Variants in OTC observed in about 807,000 individuals in gnomAD.
OTC encodes the protein ornithine transcarbamylase.
OTC carries 3 observed loss-of-function variants against 30.3 expected under a neutral mutation model. The ratio of observed to expected loss-of-function variants is 0.10; its 90% confidence interval spans 0.05 to 0.26. The LOEUF (loss-of-function observed/expected upper bound fraction) is 0.26. Ranked by LOEUF, OTC falls within the 10% of genes least tolerant of loss-of-function variation. The probability of loss-of-function intolerance (pLI) is 1.00; values close to 1 mark genes in which losing one functional copy is unlikely to be tolerated. For missense variants in OTC, 194 were observed against 260.3 expected, an observed-to-expected ratio of 0.75 and a Z score of 1.75; for synonymous variants, 111 against 99.7, an observed-to-expected ratio of 1.11 and a Z score of -0.67.
At chrX:38,341,968 CTTTAT>C in the OTC span, among the ~76,000 whole-genome samples, 2 of 70,851 alleles carry the variant, frequency 2.8e-5, no homozygotes, top group South Asian at 6.3e-4. Flanking sequence ...TTTTTTTATT[CTTTAT>C]TTTATTTTAT....
At chrX:38,371,754 C>T (rs1383926530) in intron 3 of OTC, among the ~76,000 whole-genome samples, 3 of 111,692 alleles carry the variant, frequency 2.7e-5, no homozygotes, top group African/African-American at 9.8e-5. Context: ...AGGTGCTAAT[C>T]TTTAAAGCCC....
chrX:38,420,701 A>G (rs1334376941), intron 9 of OTC, among the ~76,000 whole-genome samples: 2 of 110,870 alleles, frequency 1.8e-5, no homozygotes, highest in Non-Finnish European at 3.8e-5. Flanking sequence ...ACTAGCCAAT[A>G]CTATACTTAT....
At chrX:38,393,152 C>A (rs1285274993) in intron 4 of OTC, among the ~76,000 whole-genome samples, 2 of 111,938 alleles carry the variant, frequency 1.8e-5, no homozygotes, top group Non-Finnish European at 3.8e-5. Flanking sequence ...ACTTATACAA[C>A]CAATAAATCA....
chrX:38,388,731 G>C (rs1056408957), intron 4 of OTC, among the ~76,000 whole-genome samples: 1 of 111,528 alleles, frequency 9.0e-6, no homozygotes, highest in African/African-American at 3.3e-5. Context: ...TGTATGAAAG[G>C]CTCCATATAA....
chrX:38,413,974 G>A (rs1401267193), intron 9 of OTC, among the ~76,000 whole-genome samples: 3 of 110,234 alleles, frequency 2.7e-5, no homozygotes, highest in African/African-American at 6.6e-5. Flanking sequence ...GTGCCAGGCC[G>A]GCACTTCTAA....
intron 4 of OTC, among the ~76,000 whole-genome samples, chrX:38,400,891 C>A (rs1229645873): frequency 1.8e-5 from 2 of 112,634 alleles, no homozygotes; most frequent in East Asian, 5.6e-4. Context: ...GAAAATGTAT[C>A]TTTTTTCTGT....
chrX:38,334,043 C>T, the OTC span, among the ~76,000 whole-genome samples: 5 of 111,906 alleles, frequency 4.5e-5, no homozygotes, highest in African/African-American at 1.6e-4. Context: ...TTTGCACTTT[C>T]CTTCCTCAGG....
chrX:38,398,487 C>T (rs964913789), intron 4 of OTC, among the ~76,000 whole-genome samples: 1 of 111,735 alleles, frequency 8.9e-6, no homozygotes, highest in African/African-American at 3.3e-5. Context: ...TCCAGAAGGT[C>T]AACTGCAGTG....
chrX:38,342,263 C>T, the OTC span, among the ~76,000 whole-genome samples: 3 of 109,765 alleles, frequency 2.7e-5, no homozygotes, highest in South Asian at 3.9e-4. Context: ...CCTCGTGATC[C>T]GCCCGCCTCA....
At chrX:38,373,004 C>A (rs1310835684) in intron 3 of OTC, among the ~76,000 whole-genome samples, 1 of 112,282 alleles carries the variant, frequency 8.9e-6, no homozygotes, top group African/African-American at 3.2e-5. Flanking sequence ...AAATTCTCCA[C>A]CCAACTCTGA....
Position 38,418,496 on chromosome X carries a change from A to G in OTC, c.1006-2527A>G, listed in dbSNP as rs142189361. Among the ~76,000 whole-genome samples, 314 of 111,691 alleles carry G rather than the reference A, an allele frequency of 2.8e-3. 2 individuals are homozygous for G. The highest frequency in any genetic ancestry group is 8.6e-3 in the African/African-American group (266 of 30,776). ...AGCTTTGATGCAATTTGATTTGTCT[A>G]TGTTTGTTTCTATCACTTGTGTTTT... On this transcript the variant is annotated intron_variant, in intron 9 of 9. Transcript: ENST00000039007.
the OTC span, among the ~76,000 whole-genome samples, chrX:38,333,236 A>G: frequency 2.9e-3 from 313 of 106,297 alleles, 3 homozygotes; most frequent in Middle Eastern, 4.8e-3. Flanking sequence ...AAAAAAAAAG[A>G]TATAAACGGA....
intron 3 of OTC, among the ~76,000 whole-genome samples, chrX:38,371,240 C>T (rs909934417): frequency 8.9e-6 from 1 of 112,085 alleles, no homozygotes; most frequent in Non-Finnish European, 1.9e-5. Context: ...TCCATGGACT[C>T]TTCCAAATTG....
Position 38,399,251 on chromosome X carries a change from C to T in OTC, c.387-2024C>T, listed in dbSNP as rs183309374. 6.7e-3 allele frequency among the ~76,000 whole-genome samples: 740 copies of T among 111,174 alleles called. 9 individuals carry two copies. The highest frequency in any genetic ancestry group is 0.023 in the African/African-American group (707 of 30,590). ...GTAAATCTGGGTGGGGCCTGAAATT[C>T]TGAAGATCTAATATGCTCTCAGATG... On this transcript the variant is annotated intron_variant, in intron 4 of 9. Coordinates refer to ENST00000039007, the MANE Select transcript of OTC (RefSeq NM_000531.6).
intron 1 of OTC, among the ~76,000 whole-genome samples, chrX:38,356,995 T>G (rs1425256974): frequency 8.9e-6 from 1 of 111,769 alleles, no homozygotes; most frequent in East Asian, 2.8e-4. Context: ...TTGCATGCAT[T>G]CTAATATGCC....
chrX:38,344,854 G>A, the OTC span, among the ~76,000 whole-genome samples: 1 of 107,963 alleles, frequency 9.3e-6, no homozygotes, highest in African/African-American at 3.4e-5. Context: ...TATATATGTA[G>A]AACATTCAAA....
intron 1 of OTC, among the ~76,000 whole-genome samples, chrX:38,357,403 T>G (rs1306731677): frequency 8.8e-6 from 1 of 113,032 alleles, no homozygotes; most frequent in Admixed American, 9.3e-5. Context: ...AGCTCTTGCA[T>G]TAATGCAAGG....
At chrX:38,340,470 T>G in the OTC span, among the ~76,000 whole-genome samples, 202 of 92,420 alleles carry the variant, frequency 2.2e-3, no homozygotes, top group African/African-American at 7.9e-3. Context: ...TTTTTTTTTT[T>G]TTGTTTTTTT....
At chrX:38,381,127 G>T (rs1179191602) in intron 3 of OTC, among the ~76,000 whole-genome samples, 2 of 112,229 alleles carry the variant, frequency 1.8e-5, no homozygotes, top group Non-Finnish European at 3.8e-5. Flanking sequence ...GGAGAAATGG[G>T]CACACATGTG....
Sources: allele counts gnomAD v4.1 joint callset (sites outside exome capture counted in the v4.1 genomes callset), GRCh38; gene constraint gnomAD v4.1.1; transcripts MANE v1.5; gene names NCBI Gene and HGNC (gene_info 2026-07-23, HGNC 2026-07-21).